The following SBF2 variants were observed in gnomAD, a reference collection of about 807,000 sequenced individuals.
SBF2 encodes the protein myotubularin-related protein 13.
A neutral mutation model predicts 225.2 loss-of-function variants in SBF2; 112 were observed. The observed-to-expected ratio is 0.50, with a 90% CI of 0.43 to 0.58. The LOEUF (loss-of-function observed/expected upper bound fraction) is 0.58, where lower values mean the gene tolerates loss of function less well. SBF2 is among the 20% of genes least tolerant of loss of function. The pLI is 0.00. For synonymous variants in SBF2, 763 were observed against 773.3 expected, an observed-to-expected ratio of 0.99 and a Z score of 0.22; for missense variants, 1,996 against 2,206.2, an observed-to-expected ratio of 0.90 and a Z score of 1.91.
intron 2 of SBF2, among the ~76,000 whole-genome samples, chr11:10,181,661 T>G (rs1956741162): frequency 6.6e-6 from 1 of 152,132 alleles, no homozygotes; most frequent in African/African-American, 2.4e-5. Context: ...TCCTCCTTCC[T>G]GGACACATCT....
chr11:9,978,495 T>A (rs1049158615), intron 13 of SBF2, among the ~76,000 whole-genome samples: 1 of 152,194 alleles, frequency 6.6e-6, no homozygotes, highest in South Asian at 2.1e-4. Context: ...AAATTTCCAA[T>A]AAGGCCTATG....
intron 32 of SBF2, among the ~76,000 whole-genome samples, chr11:9,803,906 T>C (rs1179396829): frequency 2.0e-5 from 3 of 152,108 alleles, no homozygotes; most frequent in African/African-American, 7.2e-5. Flanking sequence ...TATACTGGGA[T>C]TCCTGCCAGG....
chr11:9,879,553 T>C (rs1297731219), intron 17 of SBF2, among the ~76,000 whole-genome samples: 2 of 152,160 alleles, frequency 1.3e-5, no homozygotes, highest in Non-Finnish European at 2.9e-5. Context: ...TGGGCTAAGC[T>C]TGGTGAGCAT....
intron 28 of SBF2, among the ~76,000 whole-genome samples, chr11:9,822,606 AC>A (rs1233146802): frequency 1.3e-5 from 2 of 152,136 alleles, no homozygotes; most frequent in East Asian, 1.9e-4. Context: ...GTGACCTTGG[AC>A]CCAATCAGTA....
At chr11:10,044,026 A>G in intron 2 of SBF2, among the ~76,000 whole-genome samples, 1 of 152,356 alleles carries the variant, frequency 6.6e-6, no homozygotes, top group South Asian at 2.1e-4. Context: ...CATTGAATGC[A>G]CATATTAGAA....
chr11:9,856,500 G>A lies in SBF2; in HGVS notation c.2321C>T (p.Pro774Leu), dbSNP rs762123148. The A allele has an allele frequency of 2.5e-6, 4 of 1,614,184 alleles. No individual in the cohort carries two copies. The South Asian group carries it at 4.4e-5, about 18-fold the overall frequency. ...GTTGCTTCCGCTCTCCCAGTCACCT[G>A]GCGCTGATGTTCTTAGGAGCTTGTT... ...SKNKLLRTSA[P>L]GDWESGSNSI... The change falls in exon 19 of 40, where the codon CCA becomes CTA. Residue 774 changes from proline (P) to leucine (L), a missense_variant. Pro to Leu is a moderately conservative substitution (Grantham distance 98, BLOSUM62 -3). Coordinates refer to ENST00000256190, the MANE Select transcript of SBF2 (RefSeq NM_030962.4).
At chr11:9,807,977 C>A in intron 32 of SBF2, 23 bp downstream of exon 32, 1 of 1,609,930 alleles carries the variant, frequency 6.2e-7, no homozygotes, top group South Asian at 1.1e-5. Context: ...CATATCAAGT[C>A]AACTCAAGCT....
intron 1 of SBF2, among the ~76,000 whole-genome samples, chr11:10,259,757 G>A (rs1256339612): frequency 6.6e-6 from 1 of 151,854 alleles, no homozygotes; most frequent in East Asian, 1.9e-4. Context: ...ATATTTTAAA[G>A]GGCAACAAAA....
chr11:10,071,841 G>A (rs142553536), intron 2 of SBF2, among the ~76,000 whole-genome samples: 63 of 152,280 alleles, frequency 4.1e-4, no homozygotes, highest in Admixed American at 9.2e-4. Context: ...TCTCAGGGAT[G>A]AAGCTGACTT....
intron 16 of SBF2, among the ~76,000 whole-genome samples, chr11:9,943,317 T>C (rs1423377367): frequency 6.6e-6 from 1 of 152,192 alleles, no homozygotes; most frequent in South Asian, 2.1e-4. Flanking sequence ...GGCCTCATGA[T>C]AGTGAAGGAT....
intron 2 of SBF2, among the ~76,000 whole-genome samples, chr11:10,143,745 T>A (rs577324981): frequency 6.6e-6 from 1 of 151,802 alleles, no homozygotes; most frequent in East Asian, 1.9e-4. Flanking sequence ...TTAGACGAAG[T>A]CTCGCTCTTT....
chr11:9,980,656 G>A (rs1451149328), intron 13 of SBF2, among the ~76,000 whole-genome samples: 1 of 151,370 alleles, frequency 6.6e-6, no homozygotes, highest in Non-Finnish European at 1.5e-5. Context: ...GCGAGATCTC[G>A]GCTTACTGCA....
chr11:10,193,836 T>TA lies in SBF2; in HGVS notation c.141+65dup, dbSNP rs912508360. The TA allele has an allele frequency of 2.8e-6, 3 of 1,067,440 alleles. No homozygotes were observed. In the African/African-American group the frequency reaches 4.7e-5, roughly 17 times the overall value. 66.1% of individuals were successfully genotyped at this position (1,067,440 alleles called of 1,614,324 possible). On this transcript the variant is annotated intron_variant, in intron 2 of 39. Coordinates refer to ENST00000256190, the MANE Select transcript of SBF2 (RefSeq NM_030962.4). ...TTTAACAGCAAATGTAACATAAATG[T>TA]AAAAATCAATGTGACAAAAAAGAAA...
chr11:10,106,472 C>CA (rs922202443), intron 2 of SBF2, among the ~76,000 whole-genome samples: 7 of 151,140 alleles, frequency 4.6e-5, no homozygotes, highest in African/African-American at 7.3e-5. Context: ...ACTAAAAATA[C>CA]AAAAAAAATA....
intron 11 of SBF2, 75 bp downstream of exon 11, chr11:9,992,915 C>T (rs56223901): frequency 1.6e-5 from 17 of 1,060,484 alleles, no homozygotes; most frequent in Non-Finnish European, 1.3e-5. Context: ...ATAAATGGCT[C>T]GGAAAAAAAA....
chr11:9,974,790 G>A (rs1259176896), intron 13 of SBF2, among the ~76,000 whole-genome samples: 1 of 150,858 alleles, frequency 6.6e-6, no homozygotes, highest in Non-Finnish European at 1.5e-5. Flanking sequence ...GAGAAACCCC[G>A]CCTCTACTAA....
At chr11:9,957,155 C>T (rs1866225838) in intron 16 of SBF2, 1 of 152,126 alleles carries the variant, frequency 6.6e-6, no homozygotes, top group African/African-American at 2.4e-5. Flanking sequence ...CCCATGTGGA[C>T]AAGTATATGT....
intron 2 of SBF2, among the ~76,000 whole-genome samples, chr11:10,156,089 C>T (rs545518858): frequency 2.0e-5 from 3 of 152,208 alleles, no homozygotes. Context: ...CCCAGGAAGC[C>T]CCCCCTATCC....
intron 2 of SBF2, among the ~76,000 whole-genome samples, chr11:10,064,207 T>C (rs984366797): frequency 6.6e-6 from 1 of 151,948 alleles, no homozygotes; most frequent in Non-Finnish European, 1.5e-5. Context: ...AAGGGAGAAA[T>C]GAAAGAGTAC....
Sources: gnomAD v4.1 joint callset for allele counts (sites outside exome capture counted in the v4.1 genomes callset) on GRCh38, gnomAD v4.1.1 for gene constraint, MANE v1.5 for transcripts, NCBI Gene and HGNC (gene_info 2026-07-23, HGNC 2026-07-21) for gene names.